Variants in PLXDC2 observed in about 807,000 individuals in gnomAD.
PLXDC2 encodes the protein plexin domain containing 2.
A neutral mutation model predicts 68.9 loss-of-function variants in PLXDC2; 40 were observed. The observed-to-expected ratio is 0.58, with a 90% CI of 0.45 to 0.76. The LOEUF (loss-of-function observed/expected upper bound fraction) is 0.76. Ranked by LOEUF, PLXDC2 falls within the 30% of genes least tolerant of loss-of-function variation. The pLI is 0.00. For missense variants in PLXDC2, 644 were observed against 661.9 expected (o/e 0.97, Z 0.30); for synonymous variants, 243 against 234.2 (o/e 1.04, Z -0.34).
At chr10:20,122,499 G>A (rs2131762755) in intron 4 of PLXDC2, among the ~76,000 whole-genome samples, 1 of 152,328 alleles carries the variant, frequency 6.6e-6, no homozygotes, top group East Asian at 1.9e-4. Flanking sequence ...CTCTGGGAGT[G>A]GCTGCCAGGT....
At chr10:19,888,109 C>T (rs1837882623) in intron 1 of PLXDC2, among the ~76,000 whole-genome samples, 1 of 152,218 alleles carries the variant, frequency 6.6e-6, no homozygotes. Flanking sequence ...ATAATTAAAG[C>T]ACTCCCTTTT....
intron 3 of PLXDC2, among the ~76,000 whole-genome samples, chr10:20,067,953 G>A (rs55805473): frequency 5.8e-4 from 89 of 152,256 alleles, no homozygotes; most frequent in Non-Finnish European, 8.4e-4. Context: ...CTAAAATGCC[G>A]TGGTGATGTT....
At chr10:19,839,491 A>C (rs779975105) in intron 1 of PLXDC2, among the ~76,000 whole-genome samples, 2 of 152,210 alleles carry the variant, frequency 1.3e-5, no homozygotes, top group African/African-American at 4.8e-5. Flanking sequence ...GACTCAGCTC[A>C]CAGGGGCCTT....
chr10:20,130,401 G>T, intron 4 of PLXDC2, among the ~76,000 whole-genome samples: 1 of 152,144 alleles, frequency 6.6e-6, no homozygotes, highest in Admixed American at 6.5e-5. Context: ...ACAGGTTTTT[G>T]GAGGAGTTTT....
intron 4 of PLXDC2, among the ~76,000 whole-genome samples, chr10:20,135,355 A>G (rs568008156): frequency 6.6e-6 from 1 of 152,242 alleles, no homozygotes; most frequent in Non-Finnish European, 1.5e-5. Context: ...GAATGAACCC[A>G]TATCTAGAAA....
intron 4 of PLXDC2, among the ~76,000 whole-genome samples, chr10:20,130,294 A>G (rs1338714894): frequency 6.6e-6 from 1 of 151,816 alleles, no homozygotes; most frequent in Admixed American, 6.6e-5. Context: ...GTTAATTTCT[A>G]TTTTGGATAG....
At chr10:20,177,272 T>G in intron 8 of PLXDC2, 56 bp from the exon 9 acceptor site, 1 of 1,451,494 alleles carries the variant, frequency 6.9e-7, no homozygotes, top group Non-Finnish European at 9.7e-7. Flanking sequence ...GAGTAATCTC[T>G]TTCCCCTCCA....
intron 9 of PLXDC2, among the ~76,000 whole-genome samples, chr10:20,184,444 T>G (rs1479812972): frequency 1.3e-5 from 2 of 150,526 alleles, no homozygotes; most frequent in Non-Finnish European, 3.0e-5. Flanking sequence ...ATAAATCATG[T>G]GTATTATATT....
chr10:20,146,375 C>A (rs78646553), intron 5 of PLXDC2, among the ~76,000 whole-genome samples: 4,935 of 150,652 alleles, frequency 0.033, 104 homozygotes, highest in African/African-American at 0.047. Context: ...CTTCCTTCCT[C>A]CCTCCCTCCT....
At chr10:19,930,719 T>G (rs191750362) in intron 1 of PLXDC2, among the ~76,000 whole-genome samples, 1 of 152,132 alleles carries the variant, frequency 6.6e-6, no homozygotes, top group Admixed American at 6.5e-5. Flanking sequence ...TCCCAGCACT[T>G]TGGGAGGCCG....
chr10:19,830,750 T>TTC (rs1836673786), intron 1 of PLXDC2, among the ~76,000 whole-genome samples: 1 of 151,972 alleles, frequency 6.6e-6, no homozygotes, highest in East Asian at 1.9e-4. Context: ...GTTTTTTTTT[T>TTC]TCCTGGGAGT....
At chr10:20,268,474 C>G (rs1008595014) in intron 13 of PLXDC2, among the ~76,000 whole-genome samples, 2 of 152,124 alleles carry the variant, frequency 1.3e-5, no homozygotes, top group African/African-American at 2.4e-5. Flanking sequence ...CTGATAAGAT[C>G]ACTCTGTAGC....
intron 1 of PLXDC2, among the ~76,000 whole-genome samples, chr10:19,952,291 CTGT>C (rs1478283118): frequency 6.6e-6 from 1 of 152,264 alleles, no homozygotes; most frequent in East Asian, 1.9e-4. Context: ...TTAACAGCAG[CTGT>C]TGTTTGAACC....
At chr10:19,946,169 G>C (rs940026146) in intron 1 of PLXDC2, among the ~76,000 whole-genome samples, 1 of 152,106 alleles carries the variant, frequency 6.6e-6, no homozygotes, top group African/African-American at 2.4e-5. Flanking sequence ...GGAATCCCCT[G>C]CCTCCAATCA....
chr10:20,182,071 TTGTG>T (rs111252782), intron 9 of PLXDC2, among the ~76,000 whole-genome samples: 235 of 146,564 alleles, frequency 1.6e-3, no homozygotes, highest in African/African-American at 4.6e-3. Context: ...AACCGGTTAT[TTGTG>T]TGTGTGTGTG....
intron 9 of PLXDC2, among the ~76,000 whole-genome samples, chr10:20,194,835 T>C (rs1805522492): frequency 7.5e-6 from 1 of 133,106 alleles, no homozygotes; most frequent in South Asian, 2.4e-4. Context: ...AGAAATACCT[T>C]TTAACAGACA....
intron 2 of PLXDC2, among the ~76,000 whole-genome samples, chr10:20,016,562 A>G (rs1462441489): frequency 1.3e-5 from 2 of 152,226 alleles, no homozygotes; most frequent in Non-Finnish European, 2.9e-5. Flanking sequence ...TACACTGAAG[A>G]AAAACAGAGG....
chr10:20,276,605 A>G (rs1037607840), intron 13 of PLXDC2, among the ~76,000 whole-genome samples: 11 of 152,202 alleles, frequency 7.2e-5, no homozygotes, highest in African/African-American at 2.7e-4. Context: ...ATGAATTAAC[A>G]TTACAGTCTG....
Position 19,937,107 on chromosome 10 carries a change from T to C in PLXDC2, c.113-64668T>C, listed in dbSNP as rs571938684. Reference sequence around the variant, plus strand: ...ACCCTCAACATTTCTTACCTAAAACTATCCTGATTTCCTTTGATCCTCCAT... The same window carrying C: ...ACCCTCAACATTTCTTACCTAAAACCATCCTGATTTCCTTTGATCCTCCAT... On this transcript the variant is annotated intron_variant, in intron 1 of 13. Coordinates refer to ENST00000377252, the MANE Select transcript of PLXDC2 (RefSeq NM_032812.9). Among the ~76,000 whole-genome samples, 10 of 152,338 alleles carry C rather than the reference T, an allele frequency of 6.6e-5. 1 individual carries two copies. The Middle Eastern group carries it at 0.02, about 311-fold the overall frequency.
Sources: gnomAD v4.1 joint callset for allele counts (sites outside exome capture counted in the v4.1 genomes callset) on GRCh38, gnomAD v4.1.1 for gene constraint, MANE v1.5 for transcripts, NCBI Gene and HGNC (gene_info 2026-07-23, HGNC 2026-07-21) for gene names.